Variants in TNS3 observed in about 807,000 individuals in gnomAD.
The protein encoded by TNS3 is tensin 3.
In TNS3, 45 loss-of-function variants were observed where a neutral mutation model predicts 140.9. The ratio of observed to expected loss-of-function variants is 0.32; its 90% confidence interval spans 0.25 to 0.41. The LOEUF (loss-of-function observed/expected upper bound fraction) is 0.41, where lower values mean the gene tolerates loss of function less well. Ranked by LOEUF, TNS3 falls within the 10% of genes least tolerant of loss-of-function variation. TNS3 has a pLI of 1.00. For missense variants in TNS3, 1,716 were observed against 1,906.7 expected (o/e 0.90, Z 1.86); for synonymous variants, 815 against 788.4 (o/e 1.03, Z -0.56).
chr7:47,388,489 C>T (rs1792203566), intron 16 of TNS3, among the ~76,000 whole-genome samples: 1 of 152,098 alleles, frequency 6.6e-6, no homozygotes, highest in African/African-American at 2.4e-5. Context: ...GGCAGGGTCA[C>T]CAAAGAGCAA....
chr7:47,500,318 G>A (rs1286561178), intron 3 of TNS3, among the ~76,000 whole-genome samples: 2 of 152,234 alleles, frequency 1.3e-5, no homozygotes, highest in African/African-American at 4.8e-5. Context: ...CAAGAAGTGG[G>A]GAGGGAGGAG....
At chr7:47,452,800 A>G (rs150066132) in intron 4 of TNS3, 1 of 479,986 alleles carries the variant, frequency 2.1e-6, no homozygotes, top group Non-Finnish European at 2.7e-6. Flanking sequence ...TGAAAGGGGA[A>G]AAATGACTTG....
intron 16 of TNS3, among the ~76,000 whole-genome samples, chr7:47,376,212 C>A (rs1301723690): frequency 1.3e-5 from 2 of 152,148 alleles, no homozygotes; most frequent in African/African-American, 2.4e-5. Context: ...GAGAGAGAAA[C>A]AAGAGATGGA....
Position 47,368,451 on chromosome 7 carries a change from G to A in TNS3, c.2195C>T (p.Ser732Phe), listed in dbSNP as rs1790836892. Residue 732 changes from serine (S) to phenylalanine (F), a missense_variant, in exon 17 of 31, where the codon TCT becomes TTT. Coordinates refer to ENST00000311160, the MANE Select transcript of TNS3 (RefSeq NM_022748.12). ...GAGCCCACCTCCCACGCTGTCTGGAGACACAGAGCCATTGGCCTGGCTACC... is the reference window on the plus strand; with the variant it reads ...GAGCCCACCTCCCACGCTGTCTGGAAACACAGAGCCATTGGCCTGGCTACC... ...ALGSQANGSV[S>F]PDSVGGGLRA... 1 of 1,574,202 alleles carries A rather than the reference G, an allele frequency of 6.4e-7. No individual in the cohort carries two copies. Among genetic ancestry groups the A allele is most frequent in the Admixed American group, 1.7e-5 (1 of 57,186 alleles).
At chr7:47,389,814 T>C (rs898401550) in intron 16 of TNS3, among the ~76,000 whole-genome samples, 1 of 152,218 alleles carries the variant, frequency 6.6e-6, no homozygotes, top group Non-Finnish European at 1.5e-5. Context: ...GGTTGAAGGC[T>C]TGCTGCCTCA....
intron 4 of TNS3, among the ~76,000 whole-genome samples, chr7:47,461,169 AGT>A (rs1796475261): frequency 6.6e-6 from 1 of 152,208 alleles, no homozygotes; most frequent in South Asian, 2.1e-4. Flanking sequence ...CCCCGCATTA[AGT>A]GTTGTATGTC....
rs951942871 is a variant in TNS3 at position 47,303,678 on chromosome 7, G to A, written c.2823-94C>T. The A allele has an allele frequency of 1.3e-5, 19 of 1,428,450 alleles. No homozygotes were observed. In the Admixed American group the frequency reaches 2.9e-4, roughly 22 times the overall value. The allele number at this position is 1,428,450 out of a possible 1,614,324, so 88.5% of individuals were successfully genotyped here. A position where few individuals can be genotyped will look rare whatever the true frequency, so the allele number is the denominator to read the frequency against. On this transcript the variant is annotated intron_variant, in intron 21 of 30. Transcript: ENST00000311160. ...TCACCCACACGGGAAGACAGGGATGGGGAAGTGGGTGCTGAGGCCCTCCAG... is the reference window on the plus strand; with the variant it reads ...TCACCCACACGGGAAGACAGGGATGAGGAAGTGGGTGCTGAGGCCCTCCAG...
intron 16 of TNS3, among the ~76,000 whole-genome samples, chr7:47,379,160 G>A (rs1791596830): frequency 6.6e-6 from 1 of 152,148 alleles, no homozygotes; most frequent in African/African-American, 2.4e-5. Context: ...GGGTAGCCCG[G>A]GCAGTGTCCC....
chr7:47,423,965 T>G, intron 10 of TNS3, 136 bp downstream of exon 10: 1 of 867,628 alleles, frequency 1.2e-6, no homozygotes, highest in Non-Finnish European at 1.8e-6. Flanking sequence ...CCCCACCACC[T>G]TCACAGTCTT....
intron 1 of TNS3, among the ~76,000 whole-genome samples, chr7:47,551,913 G>C (rs1175438440): frequency 1.3e-5 from 2 of 152,130 alleles, no homozygotes; most frequent in African/African-American, 4.8e-5. Flanking sequence ...GGGGTGGAGA[G>C]GGAGGCTACA....
rs367573265 is a variant in TNS3, at chr7:47,474,641, ACAC to A, written c.-76+6459_-76+6461del. Among the ~76,000 whole-genome samples the A allele has an allele frequency of 7.0e-3, 1,048 of 150,114 alleles. 5 individuals are homozygous for A. The highest frequency in any genetic ancestry group is 0.01 in the African/African-American group (413 of 40,674). On this transcript the variant is annotated intron_variant, in intron 4 of 30. Transcript: ENST00000311160. ...ACACACAACACTTCACACACAACAC[ACAC>A]CACAACACACACAAAAAACACCTCA...
chr7:47,497,843 G>A (rs1024005782), intron 3 of TNS3, among the ~76,000 whole-genome samples: 2 of 152,098 alleles, frequency 1.3e-5, no homozygotes, highest in Admixed American at 6.5e-5. Context: ...TCCCCACCCT[G>A]GTCTATCTGA....
chr7:47,412,707 T>C (rs1793842891), intron 12 of TNS3, among the ~76,000 whole-genome samples: 1 of 152,220 alleles, frequency 6.6e-6, no homozygotes, highest in African/African-American at 2.4e-5. Flanking sequence ...ACAGTTAACC[T>C]TCCCTATTCT....
chr7:47,352,234 T>TATACTC (rs1471629068), intron 17 of TNS3, among the ~76,000 whole-genome samples: 1 of 152,076 alleles, frequency 6.6e-6, no homozygotes. Context: ...ATACTTACAC[T>TATACTC]ATACTCACTG....
rs556495884 is a variant in TNS3 at position 47,462,285 on chromosome 7, C to G, written c.-76+18818G>C. On this transcript the variant is annotated intron_variant, in intron 4 of 30. Coordinates refer to ENST00000311160, the MANE Select transcript of TNS3 (RefSeq NM_022748.12). Reference sequence around the variant, plus strand: ...ACGATCATTGTCACAGCAAGTTATTCCACATCCACTCTATTCCTGACATAA... The same window carrying G: ...ACGATCATTGTCACAGCAAGTTATTGCACATCCACTCTATTCCTGACATAA... 5.3e-5 allele frequency among the ~76,000 whole-genome samples: 8 copies of G among 152,302 alleles called. No individual in the cohort carries two copies. In the South Asian group the frequency reaches 1.7e-3, roughly 32 times the overall value.
chr7:47,320,996 T>C (rs966310273), intron 20 of TNS3, among the ~76,000 whole-genome samples: 1 of 152,242 alleles, frequency 6.6e-6, no homozygotes, highest in Non-Finnish European at 1.5e-5. Context: ...ACATGAGGCA[T>C]GTGGCTTTTG....
chr7:47,405,210 C>T (rs11761475), intron 13 of TNS3, among the ~76,000 whole-genome samples: 54,899 of 152,090 alleles, frequency 0.36, 11,828 homozygotes, highest in Middle Eastern at 0.49. Flanking sequence ...GAAGTCAGCC[C>T]TCAGGTTCCT....
At chr7:47,440,779 G>A (rs1279189174) in intron 5 of TNS3, among the ~76,000 whole-genome samples, 2 of 152,220 alleles carry the variant, frequency 1.3e-5, no homozygotes, top group African/African-American at 4.8e-5. Flanking sequence ...CAGAGGCATG[G>A]GTGCACGGGA....
At chr7:47,424,232 C>G (rs1393062346) in intron 9 of TNS3, 48 bp from the exon 10 acceptor site, 1 of 1,593,820 alleles carries the variant, frequency 6.3e-7, no homozygotes, top group Admixed American at 1.7e-5. Flanking sequence ...GGAGCCCACA[C>G]CACGTGGGTA....
Sources: gnomAD v4.1 joint callset for allele counts (sites outside exome capture counted in the v4.1 genomes callset) on GRCh38, gnomAD v4.1.1 for gene constraint, MANE v1.5 for transcripts, NCBI Gene and HGNC (gene_info 2026-07-23, HGNC 2026-07-21) for gene names.